The following CFAP221 variants were observed in gnomAD, a reference collection of about 807,000 sequenced individuals.
The protein encoded by CFAP221 is cilia- and flagella-associated protein 221.
CFAP221 carries 97 observed loss-of-function variants against 113.1 expected under a neutral mutation model. The ratio of observed to expected loss-of-function variants is 0.86; its 90% CI spans 0.73 to 1.02. The LOEUF (loss-of-function observed/expected upper bound fraction) is 1.02. CFAP221 is among the 50% of genes least tolerant of loss of function. CFAP221 has a pLI of 0.00. For missense variants in CFAP221, 1,025 were observed against 1,013.4 expected (o/e 1.01, Z -0.16); for synonymous variants, 331 against 354.4 (o/e 0.93, Z 0.74).
chr2:119,638,834 C>A (rs528473648), intron 20 of CFAP221, among the ~76,000 whole-genome samples: 13 of 152,100 alleles, frequency 8.5e-5, no homozygotes, highest in Admixed American at 2.0e-4. Context: ...TTACTTCCCC[C>A]CCAGGGAACC....
intron 8 of CFAP221, among the ~76,000 whole-genome samples, chr2:119,604,154 T>C (rs762459216): frequency 3.9e-5 from 6 of 152,204 alleles, no homozygotes; most frequent in Admixed American, 6.5e-5. Context: ...TCAGTCAGTA[T>C]GTTCTTTAAG....
intron 8 of CFAP221, chr2:119,602,644 G>T (rs557251760): frequency 1.0e-6 from 1 of 985,326 alleles, no homozygotes; most frequent in East Asian, 1.1e-4. Flanking sequence ...TAGGATATTA[G>T]TGTGGCCTGC....
intron 3 of CFAP221, among the ~76,000 whole-genome samples, chr2:119,557,958 C>CAA (rs11286852): frequency 1.2e-3 from 121 of 103,968 alleles, no homozygotes; most frequent in East Asian, 9.8e-3. Context: ...GACTCCGTCT[C>CAA]AAAAAAAAAA....
intron 13 of CFAP221, among the ~76,000 whole-genome samples, chr2:119,615,381 A>G (rs759302013): frequency 5.9e-5 from 9 of 152,200 alleles, no homozygotes; most frequent in Admixed American, 1.3e-4. Flanking sequence ...TAACTAGACT[A>G]TAAGTTTCTT....
chr2:119,571,056 T>G (rs1682004518), intron 6 of CFAP221, among the ~76,000 whole-genome samples: 1 of 151,244 alleles, frequency 6.6e-6, no homozygotes, highest in African/African-American at 2.4e-5. Flanking sequence ...GCCAACATGG[T>G]GAAATCCCAT....
intron 23 of CFAP221, among the ~76,000 whole-genome samples, chr2:119,654,718 A>G (rs769572677): frequency 2.0e-5 from 3 of 152,252 alleles, no homozygotes; most frequent in Non-Finnish European, 4.4e-5. Context: ...TTCAAAAAAC[A>G]TACATACATT....
intron 2 of CFAP221, 31 bp downstream of exon 2, chr2:119,546,301 A>G (rs1048418646): frequency 6.5e-7 from 1 of 1,527,782 alleles, no homozygotes; most frequent in African/African-American, 1.4e-5. Flanking sequence ...TTTGCTTTAC[A>G]GCTCACATCT....
chr2:119,657,698 G>A (rs1040102116), downstream of CFAP221, among the ~76,000 whole-genome samples: 7 of 152,136 alleles, frequency 4.6e-5, no homozygotes, highest in Non-Finnish European at 1.5e-5. Flanking sequence ...CACTGCGATT[G>A]GTCAACGTGT....
intron 21 of CFAP221, among the ~76,000 whole-genome samples, chr2:119,642,135 T>G (rs1687531006): frequency 6.6e-6 from 1 of 152,236 alleles, no homozygotes; most frequent in Non-Finnish European, 1.5e-5. Flanking sequence ...TCAGCTTATG[T>G]GCCTGAGTGC....
Position 119,615,455 on chromosome 2 carries a change from G to A in CFAP221, c.1312-156G>A, listed in dbSNP as rs532730809. 5.9e-5 allele frequency among the ~76,000 whole-genome samples: 9 copies of A among 152,204 alleles called. No homozygotes were observed. The South Asian group carries it at 1.5e-3, about 25-fold the overall frequency. On this transcript the variant is annotated intron_variant, in intron 13 of 23. Coordinates refer to ENST00000413369, the MANE Select transcript of CFAP221 (RefSeq NM_001271049.2). ...CAAGAAGTGTTCCTTATAATGCTGTGTACACTAAAAGTGCTTAATAAATAA... is the reference window on the plus strand; with the variant it reads ...CAAGAAGTGTTCCTTATAATGCTGTATACACTAAAAGTGCTTAATAAATAA...
intron 5 of CFAP221, among the ~76,000 whole-genome samples, chr2:119,561,649 C>T (rs1025733299): frequency 3.9e-5 from 6 of 152,144 alleles, no homozygotes; most frequent in African/African-American, 1.4e-4. Flanking sequence ...CTATTCTGTG[C>T]TGTCTGGATC....
chr2:119,638,140 A>G (rs757962072), intron 19 of CFAP221, 119 bp from the exon 20 acceptor site: 17 of 1,004,352 alleles, frequency 1.7e-5, no homozygotes, highest in Non-Finnish European at 2.4e-5. Flanking sequence ...ACAAGCTGAC[A>G]TGGAGTCACA....
intron 6 of CFAP221, among the ~76,000 whole-genome samples, chr2:119,579,637 G>A (rs763797398): frequency 6.6e-6 from 1 of 152,146 alleles, no homozygotes; most frequent in Non-Finnish European, 1.5e-5. Flanking sequence ...TTGGAATTTT[G>A]TGCCCTTAAG....
chr2:119,604,928 CTGT>C lies in CFAP221; in HGVS notation c.966_968del (p.Val323del). 1 of 1,614,086 alleles carries C rather than the reference CTGT, an allele frequency of 6.2e-7. No homozygotes were observed. The highest frequency in any genetic ancestry group is 8.5e-7 in the Non-Finnish European group (1 of 1,180,002). On this transcript the variant is annotated inframe_deletion, in exon 10 of 24. Coordinates refer to ENST00000413369, the MANE Select transcript of CFAP221 (RefSeq NM_001271049.2). ...CCAGTAGATTTATCGAATCCATTTG[CTGT>C]GGCAACTGTTTTAAACCAAGAACCA...
At chr2:119,611,125 C>T (rs1685126142) in intron 12 of CFAP221, among the ~76,000 whole-genome samples, 1 of 151,590 alleles carries the variant, frequency 6.6e-6, no homozygotes, top group East Asian at 2.0e-4. Context: ...ACATGCCTTC[C>T]TTAAAACCTG....
chr2:119,584,666 G>A (rs1173730265), intron 6 of CFAP221, among the ~76,000 whole-genome samples: 1 of 151,956 alleles, frequency 6.6e-6, no homozygotes, highest in African/African-American at 2.4e-5. Context: ...ATATGCACAG[G>A]CAATTCACAG....
intron 5 of CFAP221, 43 bp from the exon 6 acceptor site, chr2:119,561,968 TGTA>T (rs1681273449): frequency 8.2e-7 from 1 of 1,222,204 alleles, no homozygotes; most frequent in East Asian, 2.5e-5. Context: ...GTCTAAAAGT[TGTA>T]GTCTTCAGAA....
chr2:119,591,790 AG>A (rs1558941203), intron 7 of CFAP221, among the ~76,000 whole-genome samples: 1 of 152,186 alleles, frequency 6.6e-6, no homozygotes, highest in South Asian at 2.1e-4. Context: ...CCAGTCTTCC[AG>A]GAGGCTGGAA....
rs2104817710 is a variant in CFAP221 at position 119,651,983 on chromosome 2, T to A, written c.2328T>A (p.Cys776Ter). 1 of 1,611,794 alleles carries A rather than the reference T, an allele frequency of 6.2e-7. No homozygotes were observed. Among genetic ancestry groups the A allele is most frequent in the Admixed American group, 1.7e-5 (1 of 59,672 alleles). ...TCTTATTACTTTGCAGTGAGCTCTGTGAGCAGAATGTAGAAGTTATGTTGA... is the reference window on the plus strand; with the variant it reads ...TCTTATTACTTTGCAGTGAGCTCTGAGAGCAGAATGTAGAAGTTATGTTGA... ...DRLETVERELCEQNVEVMLTP... is the reference protein window; with the variant it reads ...DRLETVEREL The change falls in exon 23 of 24, where the codon TGT (cysteine) becomes TGA (stop). Residue 776 changes from cysteine to a stop codon, truncating the protein, a stop_gained. Coordinates refer to ENST00000413369, the MANE Select transcript of CFAP221 (RefSeq NM_001271049.2). LOFTEE classifies it high-confidence loss of function.
Sources: allele counts gnomAD v4.1 joint callset (sites outside exome capture counted in the v4.1 genomes callset), GRCh38; gene constraint gnomAD v4.1.1; transcripts MANE v1.5; gene names NCBI Gene and HGNC (gene_info 2026-07-23, HGNC 2026-07-21).